Variants in MACROD2 observed in about 807,000 individuals in gnomAD.
MACROD2 encodes mono-ADP ribosylhydrolase 2, also known as ADP-ribose glycohydrolase MACROD2.
In MACROD2, 36 loss-of-function variants were observed where a neutral mutation model predicts 70.4. The ratio of observed to expected loss-of-function variants is 0.51; its 90% CI spans 0.39 to 0.68. The LOEUF is 0.68. Ranked by LOEUF, MACROD2 falls within the 30% of genes least tolerant of loss-of-function variation. MACROD2 has a pLI of 0.00. For missense variants in MACROD2, 496 were observed against 538.4 expected (o/e 0.92, Z 0.78); for synonymous variants, 172 against 178.8 (o/e 0.96, Z 0.30).
intron 8 of MACROD2, among the ~76,000 whole-genome samples, chr20:15,601,382 C>T (rs1600652967): frequency 6.6e-6 from 1 of 152,192 alleles, no homozygotes; most frequent in East Asian, 1.9e-4. Context: ...CCCATTCACC[C>T]ATCCCAAATG....
chr20:14,204,881 T>TATATCATTTATATGA (rs1319017089), intron 3 of MACROD2, among the ~76,000 whole-genome samples: 81 of 152,326 alleles, frequency 5.3e-4, no homozygotes, highest in African/African-American at 1.8e-3. Flanking sequence ...TTATCATTTT[T>TATATCATTTATATGA]TAAAGAACTG....
chr20:15,700,040 G>T (rs1413956678), intron 8 of MACROD2, among the ~76,000 whole-genome samples: 1 of 152,198 alleles, frequency 6.6e-6, no homozygotes, highest in Non-Finnish European at 1.5e-5. Flanking sequence ...TCCAGTGGGG[G>T]TGTGTGTTTG....
At chr20:15,317,482 A>AATCTATCTATCTATCT (rs57469228) in intron 6 of MACROD2, among the ~76,000 whole-genome samples, 11 of 145,758 alleles carry the variant, frequency 7.5e-5, no homozygotes, top group South Asian at 2.2e-4. Context: ...CCATCCATCT[A>AATCTATCTATCTATCT]ATCTATCTAT....
Position 14,101,422 on chromosome 20 carries a change from A to G in MACROD2, c.271+15694A>G, listed in dbSNP as rs1455458433. Among the ~76,000 whole-genome samples, 12 of 152,100 alleles carry G rather than the reference A, an allele frequency of 7.9e-5. No individual in the cohort carries two copies. In the South Asian group the frequency reaches 8.3e-4, roughly 10 times the overall value. Reference sequence around the variant, plus strand: ...AAATTGTGGTCAAAGAGTTATCTTAATAAATATAAAATTATAATTATGTAA... The same window carrying G: ...AAATTGTGGTCAAAGAGTTATCTTAGTAAATATAAAATTATAATTATGTAA... On this transcript the variant is annotated intron_variant, in intron 3 of 17. Coordinates refer to ENST00000684519, the MANE Select transcript of MACROD2 (RefSeq NM_001351661.2).
intron 9 of MACROD2, among the ~76,000 whole-genome samples, chr20:15,875,038 G>A (rs780873024): frequency 6.6e-6 from 1 of 152,112 alleles, no homozygotes; most frequent in East Asian, 1.9e-4. Context: ...GAGGAAGAGG[G>A]CCTTGAGCTA....
chr20:15,548,043 A>G (rs760524954), intron 8 of MACROD2, among the ~76,000 whole-genome samples: 1 of 152,084 alleles, frequency 6.6e-6, no homozygotes, highest in Non-Finnish European at 1.5e-5. Flanking sequence ...TCTCATTGCC[A>G]TCTATCTATA....
intron 3 of MACROD2, among the ~76,000 whole-genome samples, chr20:14,139,843 G>C (rs180949830): frequency 2.2e-3 from 334 of 152,286 alleles, no homozygotes; most frequent in Non-Finnish European, 3.7e-3. Context: ...ACTGTAAGTA[G>C]AAAATTTCAC....
chr20:14,908,968 T>C (rs760492557), intron 5 of MACROD2, among the ~76,000 whole-genome samples: 1 of 152,152 alleles, frequency 6.6e-6, no homozygotes, highest in Non-Finnish European at 1.5e-5. Context: ...TCAGAAGGCA[T>C]GATGGGTTTG....
rs140276968 is a variant in MACROD2, at chr20:15,617,483, A to G, written c.645+117636A>G. ...ACAATGGCTAATAGCTGGAAAGAAAATGGTTGCCCTATGTTTCAAAACAAA... is the reference window on the plus strand; with the variant it reads ...ACAATGGCTAATAGCTGGAAAGAAAGTGGTTGCCCTATGTTTCAAAACAAA... On this transcript the variant is annotated intron_variant, in intron 8 of 17. Coordinates refer to ENST00000684519, the MANE Select transcript of MACROD2 (RefSeq NM_001351661.2). Among the ~76,000 whole-genome samples the G allele has an allele frequency of 7.6e-4, 116 of 152,364 alleles. 4 individuals are homozygous for G. In the East Asian group the frequency reaches 0.022, roughly 29 times the overall value.
intron 11 of MACROD2, among the ~76,000 whole-genome samples, chr20:15,934,062 G>A (rs2065620540): frequency 6.6e-6 from 1 of 152,136 alleles, no homozygotes; most frequent in Non-Finnish European, 1.5e-5. Context: ...TTAAAAGAAT[G>A]ATAGGCACAA....
chr20:14,486,404 C>T (rs2084730920), intron 3 of MACROD2, among the ~76,000 whole-genome samples: 1 of 151,972 alleles, frequency 6.6e-6, no homozygotes, highest in Non-Finnish European at 1.5e-5. Context: ...TAAGAGAGAG[C>T]CTTTTGATGT....
chr20:15,970,367 T>C (rs1413999584), intron 13 of MACROD2, among the ~76,000 whole-genome samples: 1 of 152,226 alleles, frequency 6.6e-6, no homozygotes, highest in Non-Finnish European at 1.5e-5. Context: ...AAGATATGCA[T>C]AACATTAAAA....
At chr20:15,391,951 AT>A (rs1389296435) in intron 6 of MACROD2, among the ~76,000 whole-genome samples, 2 of 152,214 alleles carry the variant, frequency 1.3e-5, no homozygotes, top group Non-Finnish European at 2.9e-5. Flanking sequence ...GCTCCCACAC[AT>A]TGCTTTTACA....
chr20:15,766,377 A>T (rs1033325728), intron 8 of MACROD2, among the ~76,000 whole-genome samples: 1 of 152,224 alleles, frequency 6.6e-6, no homozygotes, highest in Non-Finnish European at 1.5e-5. Context: ...CTAGGCCTTA[A>T]TTAAGTGATT....
At chr20:14,608,678 G>T (rs574880498) in intron 4 of MACROD2, among the ~76,000 whole-genome samples, 102 of 152,288 alleles carry the variant, frequency 6.7e-4, no homozygotes, top group African/African-American at 2.4e-3. Flanking sequence ...GTGGGAGGAT[G>T]AGGGGAGAGC....
intron 5 of MACROD2, among the ~76,000 whole-genome samples, chr20:14,874,691 T>G (rs2073529567): frequency 1.3e-5 from 2 of 150,304 alleles, no homozygotes; most frequent in African/African-American, 4.9e-5. Context: ...ATTTATTTAT[T>G]TATTTATTTA....
At chr20:14,549,713 T>C (rs1427252147) in intron 4 of MACROD2, among the ~76,000 whole-genome samples, 9 of 152,140 alleles carry the variant, frequency 5.9e-5, no homozygotes, top group Admixed American at 5.9e-4. Flanking sequence ...ATTTATCTTA[T>C]GTCAGTCACT....
chr20:15,917,055 T>C (rs1322184196), intron 10 of MACROD2, among the ~76,000 whole-genome samples: 2 of 152,204 alleles, frequency 1.3e-5, no homozygotes, highest in Non-Finnish European at 2.9e-5. Flanking sequence ...GAGACAAGCC[T>C]CCAGGATGTA....
chr20:15,312,495 G>C (rs767976162), intron 6 of MACROD2, among the ~76,000 whole-genome samples: 1 of 152,102 alleles, frequency 6.6e-6, no homozygotes, highest in Non-Finnish European at 1.5e-5. Flanking sequence ...GGCACAGAAT[G>C]GTTTAGTACT....
Sources: allele counts gnomAD v4.1 joint callset (sites outside exome capture counted in the v4.1 genomes callset), GRCh38; gene constraint gnomAD v4.1.1; transcripts MANE v1.5; gene names NCBI Gene and HGNC (gene_info 2026-07-23, HGNC 2026-07-21).